The following CEP290 variants were observed in gnomAD, a reference collection of about 807,000 sequenced individuals.
CEP290 encodes the protein centrosomal protein of 290 kDa.
Under a neutral mutation model 344.9 loss-of-function variants are expected in CEP290, and 317 were observed. The ratio of observed to expected loss-of-function variants is 0.92; its 90% CI spans 0.84 to 1.01. The LOEUF (loss-of-function observed/expected upper bound fraction) is 1.01, where lower values mean the gene tolerates loss of function less well. CEP290 is among the 50% of genes least tolerant of loss of function. The pLI, the probability that CEP290 is intolerant of heterozygous loss-of-function variation, is 0.00. For synonymous variants in CEP290, 932 were observed against 895.8 expected (o/e 1.04, Z -0.72); for missense variants, 2,754 against 2,761.4 (o/e 1.00, Z 0.06).
Position 88,050,420 on chromosome 12 carries a change from T to C in CEP290, c.7143A>G (p.Leu2381=), listed in dbSNP as rs766938807. The C allele has an allele frequency of 1.3e-6, 2 of 1,545,464 alleles. No individual in the cohort carries two copies. The highest frequency in any genetic ancestry group is 1.8e-6 in the Non-Finnish European group (2 of 1,128,416). ...TCTCTAGATCTTTTATTTTTTCCTTTAGTTGATCAGCATCTGTTGAAAAAG... is the reference window on the plus strand; with the variant it reads ...TCTCTAGATCTTTTATTTTTTCCTTCAGTTGATCAGCATCTGTTGAAAAAG... ...AESTIPDADQ[L]KEKIKDLETQ... is the part of the protein sequence containing the mutation. Residue 2381 remains leucine (L), a synonymous_variant, in exon 53 of 54, where the codon CTA becomes CTG. Coordinates refer to ENST00000552810, the MANE Select transcript of CEP290 (RefSeq NM_025114.4).
At chr12:88,076,497 T>C (rs1291521058) in intron 41 of CEP290, among the ~76,000 whole-genome samples, 4 of 152,132 alleles carry the variant, frequency 2.6e-5, no homozygotes, top group African/African-American at 9.6e-5. Context: ...CAAATATTAC[T>C]GCTAACATCA....
chr12:88,066,054 T>C (rs930665799), intron 44 of CEP290, among the ~76,000 whole-genome samples: 1 of 152,164 alleles, frequency 6.6e-6, no homozygotes, highest in Admixed American at 6.5e-5. Flanking sequence ...TTTATTAGCA[T>C]GTGAAAAAAA....
In CEP290 at chr12:88,107,031, C is replaced by T. The variant is rs764963626; in HGVS notation, c.2551G>A (p.Val851Ile). 2.4e-5 allele frequency: 38 copies of T among 1,555,130 alleles called. No homozygotes were observed. In the Admixed American group the frequency reaches 5.4e-4, roughly 22 times the overall value. ...KEEKRKLEDQ[V>I]QQDAIKVKEY... ...TTTACTTTTATAGCATCTTGTTGGA[C>T]TTGATCCTCAAGTTTTCTCTTTTCC... Residue 851 changes from valine to isoleucine, a missense_variant, in exon 24 of 54, where the codon GTC becomes ATC. Physicochemically the swap from Val to Ile is conservative, Grantham distance 29. Transcript: ENST00000552810.
chr12:88,088,760 C>G lies in CEP290; in HGVS notation c.4029+272G>C, dbSNP rs938231718. Reference sequence around the variant, plus strand: ...TGTAATCTCAGCACTTTTGAGAGACCAAAGCAGGAGGATTACTTGAAGCCA... The same window carrying G: ...TGTAATCTCAGCACTTTTGAGAGACGAAAGCAGGAGGATTACTTGAAGCCA... On this transcript the variant is annotated intron_variant, in intron 31 of 53. Transcript: ENST00000552810. 1.3e-4 allele frequency among the ~76,000 whole-genome samples: 20 copies of G among 151,984 alleles called. 1 individual carries two copies. The highest frequency in any genetic ancestry group is 4.8e-4 in the African/African-American group (20 of 41,368).
At chr12:88,094,493 G>A (rs911341206) in intron 27 of CEP290, among the ~76,000 whole-genome samples, 9 of 151,950 alleles carry the variant, frequency 5.9e-5, no homozygotes, top group African/African-American at 2.2e-4. Flanking sequence ...TTTGGTCTTT[G>A]TACAGACCTA....
At chr12:88,056,435 T>C (rs1183354813) in intron 49 of CEP290, among the ~76,000 whole-genome samples, 1 of 152,150 alleles carries the variant, frequency 6.6e-6, no homozygotes, top group African/African-American at 2.4e-5. Context: ...CAAAATCTGC[T>C]AGGATAATAC....
intron 4 of CEP290, 27 bp from the exon 5 acceptor site, chr12:88,139,218 G>T: frequency 1.1e-6 from 1 of 944,240 alleles, no homozygotes; most frequent in Non-Finnish European, 1.5e-6. Context: ...AAAGAAAAAC[G>T]TTTTAATTGA....
chr12:88,125,802 C>T (rs978549790), intron 12 of CEP290, among the ~76,000 whole-genome samples: 2 of 152,074 alleles, frequency 1.3e-5, no homozygotes, highest in African/African-American at 2.4e-5. Flanking sequence ...TCAGCATACA[C>T]TTTTCAAATC....
At chr12:88,117,510 G>C (rs2137845656) in intron 17 of CEP290, among the ~76,000 whole-genome samples, 1 of 152,184 alleles carries the variant, frequency 6.6e-6, no homozygotes, top group African/African-American at 2.4e-5. Flanking sequence ...AGAAAGTTTT[G>C]GATGTATTAT....
rs376594089 is a variant in CEP290, at chr12:88,130,432, C to A, written c.517-12G>T. ...CAAAGTTGTTCATTCTGAAGGTAAC[C>A]AAACACAACATTCAATTACAAAACT... is the stretch of plus-strand genomic sequence containing the variant. On this transcript the variant is annotated splice_polypyrimidine_tract_variant and intron_variant, in intron 8 of 53. Coordinates refer to ENST00000552810, the MANE Select transcript of CEP290 (RefSeq NM_025114.4). 6 of 1,600,488 alleles carry A rather than the reference C, an allele frequency of 3.7e-6. No homozygotes were observed. Among genetic ancestry groups the A allele is most frequent in the Non-Finnish European group, 3.4e-6 (4 of 1,176,028 alleles).
At chr12:88,079,713 A>C (rs981091856) in intron 38 of CEP290, among the ~76,000 whole-genome samples, 5 of 152,056 alleles carry the variant, frequency 3.3e-5, no homozygotes, top group African/African-American at 4.8e-5. Flanking sequence ...ACTAAAAAAA[A>C]CCCTAATAAA....
In CEP290 at chr12:88,109,070, G is replaced by A; in HGVS notation, c.2479C>T (p.Leu827=). Residue 827 remains leucine, a synonymous_variant, in exon 23 of 54, where the codon CTA becomes TTA. Coordinates refer to ENST00000552810, the MANE Select transcript of CEP290 (RefSeq NM_025114.4). The part of the protein sequence containing the change: ...HQQSLLYKEY[L]SEKETWKTES... ...TAGTTTTGCTAATACCTATACCTTA[G>A]GTATTCTTTATACAACAAACTTTGT... is the stretch of plus-strand genomic sequence containing the variant. The A allele has an allele frequency of 1.7e-6, 2 of 1,199,754 alleles. No homozygotes were observed. The highest frequency in any genetic ancestry group is 2.3e-6 in the Non-Finnish European group (2 of 864,096). 74.3% of individuals were successfully genotyped at this position (1,199,754 alleles called of 1,614,324 possible). A position where few individuals can be genotyped will look rare whatever the true frequency, so the allele number is the denominator to read the frequency against.
At chr12:88,126,521 T>G (rs989550870) in intron 11 of CEP290, 83 bp from the exon 12 acceptor site, 19 of 929,366 alleles carry the variant, frequency 2.0e-5, no homozygotes, top group African/African-American at 3.5e-5. Context: ...TAAACACCGT[T>G]AGTAGATTTA....
chr12:88,134,052 AT>A (rs1470892354), intron 6 of CEP290, among the ~76,000 whole-genome samples: 1 of 152,142 alleles, frequency 6.6e-6, no homozygotes, highest in African/African-American at 2.4e-5. Context: ...TACATTGATG[AT>A]TCATAAATCC....
chr12:88,135,369 A>G (rs1026339239), intron 6 of CEP290, among the ~76,000 whole-genome samples: 6 of 152,158 alleles, frequency 3.9e-5, no homozygotes, highest in South Asian at 2.1e-4. Context: ...GGTATGAATG[A>G]TAAGTCAACT....
chr12:88,088,584 C>T (rs895652540), intron 31 of CEP290, among the ~76,000 whole-genome samples: 7 of 151,988 alleles, frequency 4.6e-5, no homozygotes, highest in African/African-American at 1.7e-4. Flanking sequence ...TTCAAATAGC[C>T]AACACTGCTA....
At chr12:88,118,137 A>C (rs1310309156) in intron 17 of CEP290, among the ~76,000 whole-genome samples, 1 of 151,946 alleles carries the variant, frequency 6.6e-6, no homozygotes, top group Non-Finnish European at 1.5e-5. Flanking sequence ...ATATATTAAC[A>C]TAAAAACTAC....
At chr12:88,090,933 TTCGTTTTCAGCA>T in intron 29 of CEP290, 94 bp from the exon 30 acceptor site, 1 of 662,244 alleles carries the variant, frequency 1.5e-6, no homozygotes, top group African/African-American at 1.9e-5. Flanking sequence ...CAAAAAGCCA[TTCGTTTTCAGCA>T]TCTATCTCTT....
chr12:88,079,651 G>A (rs555332513), intron 38 of CEP290, among the ~76,000 whole-genome samples: 1 of 152,084 alleles, frequency 6.6e-6, no homozygotes, highest in East Asian at 1.9e-4. Context: ...AGCTAGCACA[G>A]AAAAACACCA....
Sources: allele counts gnomAD v4.1 joint callset (sites outside exome capture counted in the v4.1 genomes callset), GRCh38; gene constraint gnomAD v4.1.1; transcripts MANE v1.5; gene names NCBI Gene and HGNC (gene_info 2026-07-23, HGNC 2026-07-21).